The following TLN2 variants were observed in gnomAD, a reference collection of about 807,000 sequenced individuals.
TLN2 encodes talin 2.
In TLN2, 118 loss-of-function variants were observed where a neutral mutation model predicts 294.7. The ratio of observed to expected loss-of-function variants is 0.40; its 90% confidence interval spans 0.34 to 0.47. TLN2 has a LOEUF of 0.47. Ranked by LOEUF, TLN2 falls within the 20% of genes least tolerant of loss-of-function variation. The pLI, the probability that TLN2 is intolerant of heterozygous loss-of-function variation, is 0.84. For missense variants in TLN2, 3,083 were observed against 3,282.2 expected (o/e 0.94, Z 1.48); for synonymous variants, 1,431 against 1,304.5 (o/e 1.10, Z -2.09).
intron 3 of TLN2, among the ~76,000 whole-genome samples, chr15:62,635,279 A>C (rs1324484803): frequency 6.6e-6 from 1 of 152,230 alleles, no homozygotes; most frequent in Non-Finnish European, 1.5e-5. Flanking sequence ...ATCTGAAATA[A>C]AAAACAGAAG....
chr15:62,668,916 C>G (rs929538944), intron 9 of TLN2, among the ~76,000 whole-genome samples: 1 of 152,198 alleles, frequency 6.6e-6, no homozygotes, highest in Non-Finnish European at 1.5e-5. Flanking sequence ...AATGTAGAAT[C>G]ATAACAGGTG....
chr15:62,672,343 G>A (rs1442556285), intron 9 of TLN2, among the ~76,000 whole-genome samples: 1 of 152,090 alleles, frequency 6.6e-6, no homozygotes, highest in Non-Finnish European at 1.5e-5. Context: ...AATCTTTGTA[G>A]GTATGAAATA....
At chr15:62,833,760 T>C in intron 55 of TLN2, 131 bp downstream of exon 55, 1 of 1,338,230 alleles carries the variant, frequency 7.5e-7, no homozygotes, top group East Asian at 2.5e-5. Flanking sequence ...GAATTGCCAC[T>C]CTCTGTGCTG....
chr15:62,570,296 C>T (rs979093808), intron 1 of TLN2, among the ~76,000 whole-genome samples: 12 of 152,206 alleles, frequency 7.9e-5, no homozygotes, highest in Admixed American at 6.5e-4. Flanking sequence ...CTGTTGCTTT[C>T]TAGTTCAACA....
intron 28 of TLN2, among the ~76,000 whole-genome samples, chr15:62,731,199 C>T (rs1482469568): frequency 6.6e-6 from 1 of 151,734 alleles, no homozygotes; most frequent in African/African-American, 2.4e-5. Flanking sequence ...CTAATTTCTT[C>T]AACATATTTA....
Position 62,739,474 on chromosome 15 carries a change from G to A in TLN2, c.3814G>A (p.Ala1272Thr), listed in dbSNP as rs1276997117. The A allele has an allele frequency of 3.7e-6, 6 of 1,614,198 alleles. No individual in the cohort carries two copies. The highest frequency in any genetic ancestry group is 5.1e-6 in the Non-Finnish European group (6 of 1,180,032). ...GGGCCAGAGTGGAGAGTTGGCTGCA[G>A]CCTCTGGAAAGTTCAGTGATGATTT... ...TRGQSGELAAASGKFSDDFDE... is the reference protein window; with the variant it reads ...TRGQSGELAATSGKFSDDFDE... Residue 1272 changes from alanine (A) to threonine (T), a missense_variant, in exon 31 of 59, where the codon GCC becomes ACC. Transcript: ENST00000636159.
At chr15:62,501,870 T>G (rs1195915788) in intron 1 of TLN2, among the ~76,000 whole-genome samples, 3 of 152,220 alleles carry the variant, frequency 2.0e-5, no homozygotes, top group South Asian at 2.1e-4. Flanking sequence ...GATGATTATT[T>G]CCAAGGTAGG....
At position 62,825,776 on chromosome 15, in the gene TLN2, AATATATT is replaced by A. The variant is rs1382022173; in HGVS notation, c.7002+5177_7002+5183del. On this transcript the variant is annotated intron_variant, in intron 54 of 58. Coordinates refer to ENST00000636159, the MANE Select transcript of TLN2 (RefSeq NM_015059.3). ...ATATAATTATAATTATATATTATATAATATATTATATATTATAATATATATTATATAT... is the reference window on the plus strand; with the variant it reads ...ATATAATTATAATTATATATTATATAATATATTATAATATATATTATATAT... Among the ~76,000 whole-genome samples, 3 of 28,688 alleles carry A rather than the reference AATATATT, an allele frequency of 1.0e-4. No individual in the cohort carries two copies. In the East Asian group the frequency reaches 2.5e-3, roughly 23 times the overall value. The allele number at this position is 28,688 out of a possible 152,430, so 18.8% of individuals were successfully genotyped here.
In TLN2 at chr15:62,689,846, C is replaced by CTTTTTTTTTTTTTTTTTTTTTTTTTTTTT. The variant is rs1158144919; in HGVS notation, c.1114-2991_1114-2963dup. On this transcript the variant is annotated intron_variant, in intron 12 of 58. Transcript: ENST00000636159. ...TTTTCAAAATTCTTGGTATGGGCTT[C>CTTTTTTTTTTTTTTTTTTTTTTTTTTTTT]TTTTTTTTTTTTTTTTTTTTTTTTT... is the stretch of plus-strand genomic sequence containing the variant. Among the ~76,000 whole-genome samples the CTTTTTTTTTTTTTTTTTTTTTTTTTTTTT allele has an allele frequency of 5.2e-4, 8 of 15,414 alleles. 2 individuals carry two copies. The highest frequency in any genetic ancestry group is 5.7e-4 in the African/African-American group (4 of 7,070). 10.1% of individuals were successfully genotyped at this position (15,414 alleles called of 152,430 possible). A position where few individuals can be genotyped will look rare whatever the true frequency, so the allele number is the denominator to read the frequency against.
At chr15:62,410,999 C>G (rs1187745258) in intron 1 of TLN2, among the ~76,000 whole-genome samples, 2 of 152,160 alleles carry the variant, frequency 1.3e-5, no homozygotes, top group Non-Finnish European at 2.9e-5. Flanking sequence ...GCAGCCTATT[C>G]TTGTAGAAGA....
In TLN2 at chr15:62,775,743, C is replaced by T. The variant is rs367873230; in HGVS notation, c.5368-1021C>T. ...CAGTATCTTGGCCTTTTGAAAGGGT[C>T]TACTTCCCCAACAAGGTGGCTCAGG... On this transcript the variant is annotated intron_variant, in intron 42 of 58. Transcript: ENST00000636159. Among the ~76,000 whole-genome samples, 6 of 152,334 alleles carry T rather than the reference C, an allele frequency of 3.9e-5. No homozygotes were observed. In the South Asian group the frequency reaches 8.3e-4, roughly 21 times the overall value.
At chr15:62,600,147 G>A (rs1173346010) in intron 2 of TLN2, among the ~76,000 whole-genome samples, 2 of 152,118 alleles carry the variant, frequency 1.3e-5, no homozygotes, top group Non-Finnish European at 2.9e-5. Context: ...AACAACAGTG[G>A]GTTATACAGG....
intron 1 of TLN2, among the ~76,000 whole-genome samples, chr15:62,569,554 C>G (rs561550298): frequency 3.0e-4 from 46 of 152,356 alleles, no homozygotes; most frequent in African/African-American, 1.1e-3. Context: ...CCCAGACTTT[C>G]TGGAAGCATG....
At chr15:62,429,169 G>C (rs560177762) in intron 1 of TLN2, among the ~76,000 whole-genome samples, 7 of 151,918 alleles carry the variant, frequency 4.6e-5, no homozygotes, top group Admixed American at 6.6e-5. Context: ...TCACTCAAGC[G>C]GGGTGCAGTG....
chr15:62,832,628 C>T (rs10519179), intron 54 of TLN2: 1 of 152,158 alleles, frequency 6.6e-6, no homozygotes, highest in Non-Finnish European at 1.5e-5. Flanking sequence ...GTCCAGTGTT[C>T]TTCCCAAGGT....
At chr15:62,442,675 T>A (rs1477911474) in intron 1 of TLN2, among the ~76,000 whole-genome samples, 1 of 151,952 alleles carries the variant, frequency 6.6e-6, no homozygotes, top group East Asian at 1.9e-4. Flanking sequence ...AAAAATTTGT[T>A]TTTTCTTTCT....
At chr15:62,532,256 G>T (rs28510732) in intron 1 of TLN2, among the ~76,000 whole-genome samples, 4,257 of 151,546 alleles carry the variant, frequency 0.028, 209 homozygotes, top group African/African-American at 0.098. Flanking sequence ...TGGTTTTTTT[G>T]TTTGTTCTGT....
intron 1 of TLN2, among the ~76,000 whole-genome samples, chr15:62,445,066 A>G (rs1362265979): frequency 6.6e-6 from 1 of 152,212 alleles, no homozygotes; most frequent in African/African-American, 2.4e-5. Flanking sequence ...AGTTCTGGGC[A>G]AGAGAGAGAA....
At chr15:62,733,301 TCTC>T (rs2060830378) in intron 28 of TLN2, among the ~76,000 whole-genome samples, 1 of 152,128 alleles carries the variant, frequency 6.6e-6, no homozygotes, top group African/African-American at 2.4e-5. Flanking sequence ...AGATCACTAT[TCTC>T]CTTGTTGAAG....
Sources: gnomAD v4.1 joint callset for allele counts (sites outside exome capture counted in the v4.1 genomes callset) on GRCh38, gnomAD v4.1.1 for gene constraint, MANE v1.5 for transcripts, NCBI Gene and HGNC (gene_info 2026-07-23, HGNC 2026-07-21) for gene names.